Variants in SLC35D4 observed in about 807,000 individuals in gnomAD.
The protein encoded by SLC35D4 is UDP-N-acetylglucosamine transporter SLC35D4.
chr18:23,300,390 G>A, the SLC35D4 span, among the ~76,000 whole-genome samples: 1 of 152,154 alleles, frequency 6.6e-6, no homozygotes, highest in Non-Finnish European at 1.5e-5. Context: ...GTAACCAGGG[G>A]CTCGGACATT....
the SLC35D4 span, among the ~76,000 whole-genome samples, chr18:23,311,764 A>T: frequency 6.6e-6 from 1 of 152,178 alleles, no homozygotes; most frequent in African/African-American, 2.4e-5. Context: ...AGCTGTTTGA[A>T]GAAATATTTT....
the SLC35D4 span, among the ~76,000 whole-genome samples, chr18:23,241,569 G>A: frequency 6.6e-6 from 1 of 152,298 alleles, no homozygotes; most frequent in African/African-American, 2.4e-5. Flanking sequence ...ATAAGATGTA[G>A]TACAGTTTGT....
chr18:23,363,074 G>A, the SLC35D4 span, among the ~76,000 whole-genome samples: 2 of 151,714 alleles, frequency 1.3e-5, no homozygotes, highest in African/African-American at 2.4e-5. Context: ...GTGAAACTCC[G>A]TCTCTACTAA....
At chr18:23,385,083 A>G in the SLC35D4 span, 1 of 1,603,986 alleles carries the variant, frequency 6.2e-7, no homozygotes, top group Admixed American at 1.7e-5. Context: ...AGAAAACAGA[A>G]TAAAAAACAT....
chr18:23,242,386 C>A, the SLC35D4 span, among the ~76,000 whole-genome samples: 4 of 152,162 alleles, frequency 2.6e-5, no homozygotes, highest in African/African-American at 9.6e-5. Flanking sequence ...GTTGAGCCAC[C>A]TGGCTACGTG....
chr18:23,414,331 A>AAGGAAGGAAGGAAGGCAGGCAGGC, the SLC35D4 span, among the ~76,000 whole-genome samples: 50 of 140,550 alleles, frequency 3.6e-4, no homozygotes, highest in African/African-American at 1.3e-3. Flanking sequence ...GGAAGGAAGG[A>AAGGAAGGAAGGAAGGCAGGCAGGC]AGGCAGGCAG....
At chr18:23,321,355 A>C in the SLC35D4 span, among the ~76,000 whole-genome samples, 341 of 152,326 alleles carry the variant, frequency 2.2e-3, no homozygotes, top group Non-Finnish European at 3.6e-3. Context: ...TTATACGTGC[A>C]AAAACAGACC....
the SLC35D4 span, among the ~76,000 whole-genome samples, chr18:23,286,687 A>G: frequency 1.4e-3 from 219 of 151,700 alleles, no homozygotes; most frequent in African/African-American, 4.7e-3. Context: ...CCTTGCCTCC[A>G]TAACTGTTGT....
the SLC35D4 span, among the ~76,000 whole-genome samples, chr18:23,269,597 C>T: frequency 1.3e-5 from 2 of 152,148 alleles, no homozygotes; most frequent in Non-Finnish European, 2.9e-5. Context: ...GAGACTGGAA[C>T]AGTTTGGAGG....
chr18:23,412,215 A>G, the SLC35D4 span, among the ~76,000 whole-genome samples: 3,981 of 152,264 alleles, frequency 0.026, 176 homozygotes, highest in African/African-American at 0.09. Context: ...GCTACTTGGG[A>G]GGCTGAGGCA....
At chr18:23,251,296 C>G in the SLC35D4 span, among the ~76,000 whole-genome samples, 1 of 152,032 alleles carries the variant, frequency 6.6e-6, no homozygotes, top group Non-Finnish European at 1.5e-5. Flanking sequence ...ACTAAAAATA[C>G]AAAAATTAGC....
chr18:23,297,822 C>T, the SLC35D4 span: 4 of 641,262 alleles, frequency 6.2e-6, no homozygotes, highest in East Asian at 3.0e-5. Context: ...ACCAGGGCCT[C>T]GGCCTCATCA....
chr18:23,328,183 A>C, the SLC35D4 span, among the ~76,000 whole-genome samples: 1 of 152,336 alleles, frequency 6.6e-6, no homozygotes, highest in East Asian at 1.9e-4. Flanking sequence ...TGTTCAACAT[A>C]GTGTTGGAAG....
the SLC35D4 span, among the ~76,000 whole-genome samples, chr18:23,374,611 G>A: frequency 1.3e-5 from 2 of 150,712 alleles, no homozygotes; most frequent in African/African-American, 2.4e-5. Flanking sequence ...TCAGCCTCCC[G>A]AGTAACTGTG....
the SLC35D4 span, among the ~76,000 whole-genome samples, chr18:23,436,206 T>G: frequency 6.6e-6 from 1 of 151,724 alleles, no homozygotes; most frequent in Non-Finnish European, 1.5e-5. Context: ...TTTTGTATTT[T>G]CAGTAGAGAC....
At chr18:23,301,940 T>C in the SLC35D4 span, among the ~76,000 whole-genome samples, 1 of 152,282 alleles carries the variant, frequency 6.6e-6, no homozygotes, top group African/African-American at 2.4e-5. Context: ...TCATAATAAT[T>C]GGCTGGATGA....
At chr18:23,368,570 C>T in the SLC35D4 span, 5 of 553,580 alleles carry the variant, frequency 9.0e-6, no homozygotes, top group Non-Finnish European at 9.5e-6. Flanking sequence ...GCTATTTGGT[C>T]TCCTCAACTC....
At chr18:23,279,012 CAAAA>C in the SLC35D4 span, among the ~76,000 whole-genome samples, 2 of 96,042 alleles carry the variant, frequency 2.1e-5, no homozygotes. Context: ...GACCCCATCT[CAAAA>C]AAAAAAAAAA....
chr18:23,349,925 T>G, the SLC35D4 span, among the ~76,000 whole-genome samples: 1 of 152,242 alleles, frequency 6.6e-6, no homozygotes, highest in African/African-American at 2.4e-5. Flanking sequence ...TGGTTTCCTT[T>G]TGATTTCTGA....
Sources: allele counts gnomAD v4.1 joint callset (sites outside exome capture counted in the v4.1 genomes callset), GRCh38; gene constraint gnomAD v4.1.1; transcripts MANE v1.5; gene names NCBI Gene and HGNC (gene_info 2026-07-23, HGNC 2026-07-21).